Variants in NT5DC1 observed in about 807,000 individuals in gnomAD.
The protein encoded by NT5DC1 is 5'-nucleotidase domain containing 1.
In NT5DC1, 42 loss-of-function variants were observed where a neutral mutation model predicts 59.4. The ratio of observed to expected loss-of-function variants is 0.71; its 90% confidence interval spans 0.55 to 0.92. The LOEUF is 0.92. NT5DC1 is among the 40% of genes least tolerant of loss of function. NT5DC1 has a pLI of 0.00. For synonymous variants in NT5DC1, 172 were observed against 188.1 expected (o/e 0.91, Z 0.70); for missense variants, 501 against 537.1 (o/e 0.93, Z 0.66).
chr6:116,128,890 TTTTGTTA>T (rs1779391260), intron 6 of NT5DC1, among the ~76,000 whole-genome samples: 1 of 152,184 alleles, frequency 6.6e-6, no homozygotes, highest in Non-Finnish European at 1.5e-5. Context: ...TTACATTGGT[TTTTGTTA>T]TTTGTGTTCA....
intron 6 of NT5DC1, among the ~76,000 whole-genome samples, chr6:116,189,972 T>C (rs1482083035): frequency 6.6e-6 from 1 of 152,038 alleles, no homozygotes; most frequent in Admixed American, 6.6e-5. Flanking sequence ...TTACTAGTTT[T>C]CAGGTAGTGG....
chr6:116,122,720 A>G (rs1034327464), intron 6 of NT5DC1, among the ~76,000 whole-genome samples: 3 of 152,196 alleles, frequency 2.0e-5, no homozygotes, highest in African/African-American at 7.2e-5. Flanking sequence ...CAGGGTACAG[A>G]TGTTTCTGAG....
chr6:116,196,550 TACTC>T (rs572509008), intron 6 of NT5DC1, among the ~76,000 whole-genome samples: 160 of 152,164 alleles, frequency 1.1e-3, no homozygotes, highest in Non-Finnish European at 1.8e-3. Flanking sequence ...ATTAGAAAAA[TACTC>T]AAACTATTTG....
At chr6:116,154,173 A>T (rs563414166) in intron 6 of NT5DC1, among the ~76,000 whole-genome samples, 2 of 152,110 alleles carry the variant, frequency 1.3e-5, no homozygotes, top group African/African-American at 4.8e-5. Flanking sequence ...GAGTCTATTG[A>T]TTTTACTTTT....
chr6:116,212,674 G>A (rs1467492437), intron 6 of NT5DC1, among the ~76,000 whole-genome samples: 2 of 152,070 alleles, frequency 1.3e-5, no homozygotes, highest in East Asian at 1.9e-4. Context: ...AAGTTTTTGA[G>A]TTGAGATTTA....
At chr6:116,167,206 A>ATT (rs61348980) in intron 6 of NT5DC1, among the ~76,000 whole-genome samples, 3,037 of 87,756 alleles carry the variant, frequency 0.035, 174 homozygotes, top group African/African-American at 0.083. Context: ...CAAATAGAAG[A>ATT]TTTTTTTTTT....
chr6:116,223,326 A>G (rs1478496780), intron 8 of NT5DC1, among the ~76,000 whole-genome samples, 195 bp downstream of exon 8: 1 of 152,224 alleles, frequency 6.6e-6, no homozygotes, highest in Non-Finnish European at 1.5e-5. Flanking sequence ...GTCTCTCCCC[A>G]ACTTTAAAAA....
intron 6 of NT5DC1, among the ~76,000 whole-genome samples, chr6:116,154,850 C>T (rs1780144062): frequency 6.6e-6 from 1 of 152,042 alleles, no homozygotes; most frequent in Non-Finnish European, 1.5e-5. Context: ...GCCTATGATG[C>T]CTTGTAGGTA....
chr6:116,166,223 C>G (rs574540225), intron 6 of NT5DC1, among the ~76,000 whole-genome samples: 1 of 152,264 alleles, frequency 6.6e-6, no homozygotes, highest in Admixed American at 6.5e-5. Flanking sequence ...AGTGGGGTCT[C>G]CAACAGATCC....
At chr6:116,200,001 G>GGT (rs1554199747) in intron 6 of NT5DC1, among the ~76,000 whole-genome samples, 5 of 149,858 alleles carry the variant, frequency 3.3e-5, no homozygotes, top group African/African-American at 1.2e-4. Context: ...ATGGAAAGTG[G>GGT]GGGGGGAAGA....
intron 4 of NT5DC1, among the ~76,000 whole-genome samples, chr6:116,112,951 A>G (rs937127939): frequency 2.6e-5 from 4 of 152,250 alleles, no homozygotes; most frequent in African/African-American, 7.2e-5. Context: ...CAGTACATTT[A>G]GGAAATTTAA....
chr6:116,117,220 AT>A (rs1778982069), intron 5 of NT5DC1, among the ~76,000 whole-genome samples: 1 of 152,186 alleles, frequency 6.6e-6, no homozygotes, highest in Non-Finnish European at 1.5e-5. Flanking sequence ...GTGTTTAAAA[AT>A]ATTCTATAAT....
intron 6 of NT5DC1, among the ~76,000 whole-genome samples, chr6:116,169,610 G>A (rs1006234565): frequency 6.6e-6 from 1 of 152,206 alleles, no homozygotes; most frequent in Non-Finnish European, 1.5e-5. Context: ...TAGGTATGGG[G>A]TAGCCTGTAG....
intron 6 of NT5DC1, among the ~76,000 whole-genome samples, chr6:116,151,039 T>C (rs1780024073): frequency 6.6e-6 from 1 of 152,232 alleles, no homozygotes; most frequent in East Asian, 1.9e-4. Context: ...TGTTATCTCA[T>C]TGATAGAAAT....
At chr6:116,169,570 T>G (rs1325650354) in intron 6 of NT5DC1, among the ~76,000 whole-genome samples, 1 of 152,252 alleles carries the variant, frequency 6.6e-6, no homozygotes, top group Non-Finnish European at 1.5e-5. Context: ...TGCATACTGA[T>G]CAACTATATG....
intron 6 of NT5DC1, among the ~76,000 whole-genome samples, chr6:116,155,726 A>G (rs2114410704): frequency 6.6e-6 from 1 of 151,120 alleles, no homozygotes; most frequent in East Asian, 1.9e-4. Flanking sequence ...CACTGCATCT[A>G]CACAAAGAAA....
intron 6 of NT5DC1, among the ~76,000 whole-genome samples, chr6:116,199,996 A>G (rs1781311130): frequency 1.0e-5 from 1 of 98,048 alleles, no homozygotes; most frequent in Admixed American, 9.9e-5. Context: ...ACAGTATGGA[A>G]AGTGGGGGGG....
chr6:116,117,788 T>C lies in NT5DC1; in HGVS notation c.445-73T>C, dbSNP rs1354249771. ...AGTCAGGGACTGTCTGCATTGTAATTGTTTGCCAGCATTTTTCACTATGCT... is the reference window on the plus strand; with the variant it reads ...AGTCAGGGACTGTCTGCATTGTAATCGTTTGCCAGCATTTTTCACTATGCT... On this transcript the variant is annotated intron_variant, in intron 5 of 11. Coordinates refer to ENST00000319550, the MANE Select transcript of NT5DC1 (RefSeq NM_152729.3). 6 of 815,576 alleles carry C rather than the reference T, an allele frequency of 7.4e-6. No homozygotes were observed. In the Admixed American group the frequency reaches 8.4e-5, roughly 11 times the overall value. The allele number at this position is 815,576 out of a possible 1,614,324, so 50.5% of individuals were successfully genotyped here. A position where few individuals can be genotyped will look rare whatever the true frequency, so the allele number is the denominator to read the frequency against.
intron 6 of NT5DC1, among the ~76,000 whole-genome samples, chr6:116,149,895 G>A (rs977510949): frequency 6.6e-6 from 1 of 152,202 alleles, no homozygotes; most frequent in African/African-American, 2.4e-5. Flanking sequence ...GGACTTAACG[G>A]CTTTTTATCT....
Sources: gnomAD v4.1 joint callset for allele counts (sites outside exome capture counted in the v4.1 genomes callset) on GRCh38, gnomAD v4.1.1 for gene constraint, MANE v1.5 for transcripts, NCBI Gene and HGNC (gene_info 2026-07-23, HGNC 2026-07-21) for gene names.